The following PGAP1 variants were observed in gnomAD, a reference collection of about 807,000 sequenced individuals.
PGAP1 encodes the protein post-GPI attachment to proteins inositol deacylase 1, also known as GPI inositol-deacylase.
A neutral mutation model predicts 127.0 loss-of-function variants in PGAP1; 76 were observed. That is an observed-to-expected ratio of 0.60 (90% confidence interval 0.50 to 0.72). The LOEUF is 0.72. Ranked by LOEUF, PGAP1 falls within the 30% of genes least tolerant of loss-of-function variation. The pLI is 0.00. For missense variants in PGAP1, 982 were observed against 1,071.3 expected (o/e 0.92, Z 1.16); for synonymous variants, 362 against 366.5 (o/e 0.99, Z 0.14).
At chr2:196,853,205 A>T (rs1489743634) in intron 20 of PGAP1, among the ~76,000 whole-genome samples, 1 of 152,214 alleles carries the variant, frequency 6.6e-6, no homozygotes, top group Non-Finnish European at 1.5e-5. Context: ...TCTCCCTTTG[A>T]GAAGGCCTCA....
chr2:196,894,524 C>T (rs528203514), intron 7 of PGAP1, among the ~76,000 whole-genome samples: 2 of 152,080 alleles, frequency 1.3e-5, no homozygotes, highest in Admixed American at 1.3e-4. Context: ...AACTTTAGGC[C>T]GGGCGCAGTG....
intron 10 of PGAP1, among the ~76,000 whole-genome samples, chr2:196,886,241 ACCTCCT>A (rs1373965820): frequency 1.3e-5 from 2 of 148,818 alleles, no homozygotes; most frequent in African/African-American, 5.0e-5. Context: ...GCTCACTGCA[ACCTCCT>A]CCTCCTGGGT....
intron 19 of PGAP1, among the ~76,000 whole-genome samples, chr2:196,867,568 T>C (rs1003204267): frequency 1.3e-5 from 2 of 152,176 alleles, no homozygotes; most frequent in African/African-American, 4.8e-5. Context: ...AGCATGTGTA[T>C]ACCTATGGAA....
chr2:196,926,556 C>T lies in PGAP1; in HGVS notation c.61G>A (p.Ala21Thr). The T allele has an allele frequency of 6.2e-7, 1 of 1,614,202 alleles. No homozygotes were observed. Among genetic ancestry groups the T allele is most frequent in the Non-Finnish European group, 8.5e-7 (1 of 1,180,024 alleles). Residue 21 changes from alanine to threonine, a missense_variant, in exon 1 of 27, where the codon GCA (alanine) becomes ACA (threonine). Physicochemically the swap from Ala to Thr is moderately conservative, Grantham distance 58. Coordinates refer to ENST00000354764, the MANE Select transcript of PGAP1 (RefSeq NM_024989.4). Reference sequence around the variant, plus strand: ...AAGACATCCCACAGCCCCAGGGTTGCCAGAAAGACCATGAAGACATAAAAC... The same window carrying T: ...AAGACATCCCACAGCCCCAGGGTTGTCAGAAAGACCATGAAGACATAAAAC... Reference protein sequence around the residue: ...LAFYVFMVFLATLGLWDVFFG... With the variant: ...LAFYVFMVFLTTLGLWDVFFG...
chr2:196,896,828 TAAAAAAAAAA>T (rs566717804), intron 7 of PGAP1, among the ~76,000 whole-genome samples: 1 of 90,622 alleles, frequency 1.1e-5, no homozygotes, highest in Non-Finnish European at 2.1e-5. Context: ...GACTCCATCT[TAAAAAAAAAA>T]AAAAAAAAAA....
rs140451492 is a variant in PGAP1 at position 196,896,786 on chromosome 2, G to A, written c.927+345C>T. Among the ~76,000 whole-genome samples the A allele has an allele frequency of 1.2e-3, 162 of 134,382 alleles. No individual in the cohort carries two copies. The East Asian group carries it at 0.021, about 17-fold the overall frequency. The allele number at this position is 134,382 out of a possible 152,430, so 88.2% of individuals were successfully genotyped here. A position where few individuals can be genotyped will look rare whatever the true frequency, so the allele number is the denominator to read the frequency against. On this transcript the variant is annotated intron_variant, in intron 7 of 26. Coordinates refer to ENST00000354764, the MANE Select transcript of PGAP1 (RefSeq NM_024989.4). ...AGAGGCTGCAGTGAGCCGAGATCAC[G>A]CCACTGCACTCCAGCCTGTGCAACA...
intron 19 of PGAP1, among the ~76,000 whole-genome samples, chr2:196,868,899 C>G (rs1701324605): frequency 1.3e-5 from 2 of 152,130 alleles, no homozygotes; most frequent in Admixed American, 1.3e-4. Flanking sequence ...TACCTACAAG[C>G]TACATTTTTA....
At position 196,846,956 on chromosome 2, in the gene PGAP1, ATTTC is replaced by A. The variant is rs1432468946; in HGVS notation, c.2150+43_2150+46del. 2.1e-6 allele frequency: 3 copies of A among 1,445,686 alleles called. No individual in the cohort carries two copies. The African/African-American group carries it at 4.3e-5, about 21-fold the overall frequency. 89.6% of individuals were successfully genotyped at this position (1,445,686 alleles called of 1,614,324 possible). On this transcript the variant is annotated intron_variant, in intron 22 of 26. Transcript: ENST00000354764. ...TTTCAGGTTCCTTATCAGAATATAT[ATTTC>A]TTCTTAAAGCAATAAGAAAGCTGTT...
intron 4 of PGAP1, 38 bp downstream of exon 4, chr2:196,912,844 A>G: frequency 6.6e-7 from 1 of 1,503,944 alleles, no homozygotes; most frequent in Non-Finnish European, 9.0e-7. Flanking sequence ...AATCTTAAAT[A>G]ACAATGGGGA....
At chr2:196,862,986 C>T (rs1222636305) in intron 20 of PGAP1, among the ~76,000 whole-genome samples, 1 of 152,138 alleles carries the variant, frequency 6.6e-6, no homozygotes, top group Non-Finnish European at 1.5e-5. Flanking sequence ...CACTAATCAC[C>T]AGTGAAATGT....
rs1327620488 is a variant in PGAP1, at chr2:196,837,093, T to C, written c.*4141A>G. The C allele has an allele frequency of 1.3e-5, 2 of 152,216 alleles. No homozygotes were observed. Among genetic ancestry groups the C allele is most frequent in the African/African-American group, 2.4e-5 (1 of 41,456 alleles). 9.4% of individuals were successfully genotyped at this position (152,216 alleles called of 1,614,324 possible). On this transcript the variant is annotated 3_prime_UTR_variant, in exon 27 of 27. Transcript: ENST00000354764. ...AACCTAATAATAATGCAAGACATTA[T>C]GCTAATTTGGACCTAACACCTAAAA...
intron 20 of PGAP1, among the ~76,000 whole-genome samples, chr2:196,860,871 A>T (rs534041108): frequency 6.6e-6 from 1 of 152,324 alleles, no homozygotes; most frequent in African/African-American, 2.4e-5. Flanking sequence ...AATGACTGCA[A>T]ATAGCAAAAA....
intron 7 of PGAP1, 62 bp from the exon 8 acceptor site, chr2:196,893,307 A>C (rs1702164674): frequency 2.0e-5 from 18 of 905,438 alleles, no homozygotes; most frequent in Non-Finnish European, 3.2e-5. Flanking sequence ...TTGATGAAAC[A>C]TTGCTTCAGT....
chr2:196,922,591 CA>C (rs1703236253), intron 1 of PGAP1: 4 of 807,520 alleles, frequency 5.0e-6, no homozygotes, highest in South Asian at 1.1e-4. Context: ...CACACACACA[CA>C]CACACACACA....
At chr2:196,914,681 CTTGCTA>C (rs1447455009) in intron 3 of PGAP1, among the ~76,000 whole-genome samples, 40 of 152,028 alleles carry the variant, frequency 2.6e-4, no homozygotes, top group Admixed American at 1.0e-3. Context: ...ATACACAGTA[CTTGCTA>C]TTGCTATCTC....
At chr2:196,903,297 T>C (rs1411226562) in intron 4 of PGAP1, among the ~76,000 whole-genome samples, 1 of 150,914 alleles carries the variant, frequency 6.6e-6, no homozygotes, top group Admixed American at 6.6e-5. Flanking sequence ...GATGGCAGTA[T>C]CCCAGCTTAA....
intron 1 of PGAP1, chr2:196,922,223 C>T: frequency 7.9e-7 from 1 of 1,272,764 alleles, no homozygotes; most frequent in Non-Finnish European, 1.0e-6. Context: ...CTAATAAACT[C>T]CCAGGTAATA....
At chr2:196,901,823 T>G (rs1702501205) in intron 5 of PGAP1, among the ~76,000 whole-genome samples, 2 of 152,246 alleles carry the variant, frequency 1.3e-5, no homozygotes, top group South Asian at 2.1e-4. Flanking sequence ...TTCAGAAGTA[T>G]GTGATATATT....
In PGAP1 at chr2:196,894,573, C is replaced by T. The variant is rs181304146; in HGVS notation, c.928-1328G>A. Among the ~76,000 whole-genome samples the T allele has an allele frequency of 1.9e-4, 29 of 152,180 alleles. No homozygotes were observed. The East Asian group carries it at 4.2e-3, about 22-fold the overall frequency. ...ATTCCAGCACTTTGGGAGGCCAAGA[C>T]GGGTGGATCACAAGGTCAGGAGATC... On this transcript the variant is annotated intron_variant, in intron 7 of 26. Transcript: ENST00000354764.
Sources: gnomAD v4.1 joint callset for allele counts (sites outside exome capture counted in the v4.1 genomes callset) on GRCh38, gnomAD v4.1.1 for gene constraint, MANE v1.5 for transcripts, NCBI Gene and HGNC (gene_info 2026-07-23, HGNC 2026-07-21) for gene names.